The following FUT9 variants were observed in gnomAD, a reference collection of about 807,000 sequenced individuals.
The protein encoded by FUT9 is fucosyltransferase 9, also known as 4-galactosyl-N-acetylglucosaminide 3-alpha-L-fucosyltransferase 9.
A neutral mutation model predicts 29.7 loss-of-function variants in FUT9; 15 were observed. That is an observed-to-expected ratio of 0.51 (90% CI 0.34 to 0.78). FUT9 has a LOEUF of 0.78. FUT9 is among the 30% of genes least tolerant of loss of function. The probability of loss-of-function intolerance (pLI) is 0.01; values close to 1 mark genes in which losing one functional copy is unlikely to be tolerated. For missense variants in FUT9, 319 were observed against 425.4 expected (o/e 0.75, Z 2.20); for synonymous variants, 169 against 153.7 (o/e 1.10, Z -0.74).
chr6:96,064,753 A>G (rs1463658476), intron 1 of FUT9, among the ~76,000 whole-genome samples: 1 of 152,114 alleles, frequency 6.6e-6, no homozygotes, highest in African/African-American at 2.4e-5. Context: ...ACACACATGC[A>G]TGCATGTGCA....
chr6:96,117,696 TC>T (rs1771937192), intron 2 of FUT9, among the ~76,000 whole-genome samples: 1 of 152,210 alleles, frequency 6.6e-6, no homozygotes, highest in Admixed American at 6.5e-5. Flanking sequence ...CAATCTTACT[TC>T]ATTCTTAATC....
chr6:96,113,046 T>C (rs1256004821), intron 1 of FUT9, among the ~76,000 whole-genome samples: 1 of 135,638 alleles, frequency 7.4e-6, no homozygotes, highest in Non-Finnish European at 1.6e-5. Flanking sequence ...GTTGTATACA[T>C]CCAGATGATT....
intron 1 of FUT9, among the ~76,000 whole-genome samples, chr6:96,066,756 T>G (rs1475379107): frequency 1.3e-5 from 2 of 152,112 alleles, no homozygotes; most frequent in African/African-American, 4.8e-5. Context: ...TTTCCAGAAC[T>G]ACTTGGGAAA....
chr6:96,198,970 G>A (rs1773680409), intron 2 of FUT9, among the ~76,000 whole-genome samples: 1 of 151,992 alleles, frequency 6.6e-6, no homozygotes, highest in Non-Finnish European at 1.5e-5. Context: ...AACGACTGGA[G>A]GTAATCTCTT....
intron 2 of FUT9, among the ~76,000 whole-genome samples, chr6:96,145,915 G>A (rs1009691136): frequency 4.0e-5 from 6 of 148,250 alleles, no homozygotes; most frequent in Non-Finnish European, 8.9e-5. Context: ...ATCCAGGCTG[G>A]CATGACCACT....
chr6:96,086,128 A>T (rs1031798196), intron 1 of FUT9, among the ~76,000 whole-genome samples: 2 of 152,216 alleles, frequency 1.3e-5, no homozygotes, highest in Non-Finnish European at 2.9e-5. Flanking sequence ...ACTCTGAATC[A>T]CAGGCTGCAC....
intron 1 of FUT9, among the ~76,000 whole-genome samples, chr6:96,082,783 T>C (rs1262521035): frequency 1.3e-5 from 2 of 152,016 alleles, no homozygotes; most frequent in Non-Finnish European, 2.9e-5. Context: ...AAACATGTTA[T>C]ACTTCTCCAA....
At chr6:96,032,559 T>C (rs1262987627) in intron 1 of FUT9, among the ~76,000 whole-genome samples, 1 of 151,658 alleles carries the variant, frequency 6.6e-6, no homozygotes, top group Non-Finnish European at 1.5e-5. Flanking sequence ...CTTTAAATTT[T>C]ACTCTCCTAG....
intron 1 of FUT9, among the ~76,000 whole-genome samples, chr6:96,033,572 G>A (rs1313134202): frequency 6.6e-6 from 1 of 151,446 alleles, no homozygotes; most frequent in Non-Finnish European, 1.5e-5. Flanking sequence ...ACTGTCCAAG[G>A]TCAGTTTCCC....
intron 2 of FUT9, among the ~76,000 whole-genome samples, chr6:96,178,094 CT>C (rs1305553585): frequency 6.6e-6 from 1 of 152,134 alleles, no homozygotes; most frequent in Non-Finnish European, 1.5e-5. Flanking sequence ...TGATGCCAGA[CT>C]TTGCTGGGTG....
At chr6:96,081,856 G>A (rs912781876) in intron 1 of FUT9, among the ~76,000 whole-genome samples, 6 of 151,734 alleles carry the variant, frequency 4.0e-5, no homozygotes, top group Non-Finnish European at 7.4e-5. Context: ...TTTAATTTTT[G>A]TCCGTCTGTG....
chr6:96,197,266 G>C (rs963559416), intron 2 of FUT9, among the ~76,000 whole-genome samples: 1 of 152,252 alleles, frequency 6.6e-6, no homozygotes, highest in Admixed American at 6.5e-5. Context: ...GGAATATTTA[G>C]GAAAAGTGCT....
In FUT9 at chr6:96,198,432, A is replaced by G. The variant is rs958979817; in HGVS notation, c.-8-4716A>G. 1.5e-4 allele frequency among the ~76,000 whole-genome samples: 23 copies of G among 152,184 alleles called. 1 individual carries two copies. Among genetic ancestry groups the G allele is most frequent in the Admixed American group, 5.9e-4 (9 of 15,262 alleles). ...GATTTCCAATTTCATTCATGTCCCT[A>G]CAAAGGACATGAACTCATCCTTTTT... On this transcript the variant is annotated intron_variant, in intron 2 of 2. Transcript: ENST00000302103.
At chr6:96,061,542 CCTT>C (rs1347302688) in intron 1 of FUT9, among the ~76,000 whole-genome samples, 2 of 151,758 alleles carry the variant, frequency 1.3e-5, no homozygotes, top group Admixed American at 1.3e-4. Context: ...TTGGTAAACT[CCTT>C]CTTAAAACCT....
intron 2 of FUT9, among the ~76,000 whole-genome samples, chr6:96,121,996 A>T (rs936078512): frequency 1.3e-5 from 2 of 152,056 alleles, no homozygotes; most frequent in African/African-American, 4.8e-5. Flanking sequence ...CTTATCAGTA[A>T]GTCTTCAAGC....
chr6:96,064,281 T>C (rs990096693), intron 1 of FUT9, among the ~76,000 whole-genome samples: 1 of 152,200 alleles, frequency 6.6e-6, no homozygotes, highest in Non-Finnish European at 1.5e-5. Flanking sequence ...CCTATGAGTT[T>C]AGTACTGAGA....
intron 1 of FUT9, among the ~76,000 whole-genome samples, chr6:96,041,333 T>C (rs370595334): frequency 1.3e-5 from 2 of 152,174 alleles, no homozygotes; most frequent in Non-Finnish European, 2.9e-5. Context: ...AGTTCTTCCC[T>C]ACTGTGCTTG....
chr6:96,132,130 T>G (rs1772256977), intron 2 of FUT9, among the ~76,000 whole-genome samples: 1 of 152,068 alleles, frequency 6.6e-6, no homozygotes. Context: ...TCCTAACATT[T>G]ACATCACTAG....
At chr6:96,184,434 G>T (rs573078473) in intron 2 of FUT9, among the ~76,000 whole-genome samples, 16 of 151,290 alleles carry the variant, frequency 1.1e-4, no homozygotes, top group Non-Finnish European at 2.2e-4. Context: ...TTGTTTGTTT[G>T]TCTCTTTCAA....
Sources: gnomAD v4.1 joint callset for allele counts (sites outside exome capture counted in the v4.1 genomes callset) on GRCh38, gnomAD v4.1.1 for gene constraint, MANE v1.5 for transcripts, NCBI Gene and HGNC (gene_info 2026-07-23, HGNC 2026-07-21) for gene names.